Variants in SMAD7 observed in about 807,000 individuals in gnomAD.
SMAD7 encodes the protein MAD (mothers against decapentaplegic, Drosophila) homolog 7.
A neutral mutation model predicts 38.7 loss-of-function variants in SMAD7; 8 were observed. The observed-to-expected ratio is 0.21, with a 90% CI of 0.12 to 0.37. SMAD7 has a LOEUF of 0.37. Among genes scored for constraint, SMAD7 ranks in the 10% least tolerant of loss-of-function variants. SMAD7 has a pLI of 1.00. For missense variants in SMAD7, 477 were observed against 577.9 expected, an observed-to-expected ratio of 0.83 and a Z score of 1.79; for synonymous variants, 327 against 265.1, an observed-to-expected ratio of 1.23 and a Z score of -2.27.
intron 3 of SMAD7, chr18:48,930,257 C>G (rs890258112): frequency 7.2e-5 from 11 of 152,500 alleles, no homozygotes; most frequent in Non-Finnish European, 1.3e-4. Context: ...TTCTGTCTGC[C>G]TCCGTAATCT....
chr18:48,948,403 C>T lies in SMAD7; in HGVS notation c.648G>A (p.Met216Ile). Residue 216 changes from methionine to isoleucine, a missense_variant, in exon 2 of 4, where the codon ATG (methionine) becomes ATA (isoleucine). Met to Ile is a conservative substitution (Grantham distance 10). Transcript: ENST00000262158. ...SPPPPYSRYP[M>I]DFLKPTADCP... Reference sequence around the variant, plus strand: ...ACTCACCAGTTGGTTTGAGAAAATCCATCGGGTATCTGGAGTAAGGAGGGG... The same window carrying T: ...ACTCACCAGTTGGTTTGAGAAAATCTATCGGGTATCTGGAGTAAGGAGGGG... 1.2e-6 allele frequency: 2 copies of T among 1,601,866 alleles called. No individual in the cohort carries two copies. The highest frequency in any genetic ancestry group is 1.7e-6 in the Non-Finnish European group (2 of 1,174,152).
rs982157343 is a variant in SMAD7, at chr18:48,920,299, A to C, written c.*1073T>G. The C allele has an allele frequency of 6.5e-6, 1 of 152,714 alleles. No homozygotes were observed. Among genetic ancestry groups the C allele is most frequent in the Non-Finnish European group, 1.5e-5 (1 of 68,046 alleles). The allele number at this position is 152,714 out of a possible 1,614,324, so 9.5% of individuals were successfully genotyped here. A position where few individuals can be genotyped will look rare whatever the true frequency, so the allele number is the denominator to read the frequency against. On this transcript the variant is annotated 3_prime_UTR_variant, in exon 4 of 4. Coordinates refer to ENST00000262158, the MANE Select transcript of SMAD7 (RefSeq NM_005904.4). Reference sequence around the variant, plus strand: ...GAGCTAAGAACAGTGTCGAAGTATCATACGAGTGTATGAGTTGTAGAAGAA... The same window carrying C: ...GAGCTAAGAACAGTGTCGAAGTATCCTACGAGTGTATGAGTTGTAGAAGAA...
At chr18:48,932,417 C>T (rs938205377) in intron 3 of SMAD7, among the ~76,000 whole-genome samples, 19 of 152,272 alleles carry the variant, frequency 1.2e-4, no homozygotes, top group African/African-American at 4.1e-4. Context: ...AGCACACAGT[C>T]GCTGGCCTGG....
At chr18:48,934,105 C>G (rs1296263958) in intron 3 of SMAD7, among the ~76,000 whole-genome samples, 1 of 152,198 alleles carries the variant, frequency 6.6e-6, no homozygotes, top group African/African-American at 2.4e-5. Flanking sequence ...AAAAATGGAA[C>G]TGGACCTTAT....
chr18:48,928,601 C>T (rs554385983), intron 3 of SMAD7, among the ~76,000 whole-genome samples: 88 of 152,182 alleles, frequency 5.8e-4, no homozygotes, highest in African/African-American at 1.9e-3. Flanking sequence ...GAAGTTTCTC[C>T]TCCCATCACC....
intron 3 of SMAD7, among the ~76,000 whole-genome samples, chr18:48,940,021 T>G (rs2070119009): frequency 1.3e-5 from 2 of 152,042 alleles, no homozygotes; most frequent in South Asian, 2.1e-4. Flanking sequence ...CAGGGGCCAA[T>G]AAAGTTCCCT....
intron 3 of SMAD7, among the ~76,000 whole-genome samples, chr18:48,939,721 C>G (rs943209467): frequency 2.6e-5 from 4 of 152,090 alleles, no homozygotes; most frequent in Admixed American, 2.6e-4. Context: ...CAGGGCAGGA[C>G]AGGAAGGAAA....
intron 3 of SMAD7, among the ~76,000 whole-genome samples, chr18:48,923,076 C>A (rs1032902068): frequency 2.6e-5 from 4 of 152,208 alleles, no homozygotes; most frequent in Non-Finnish European, 2.9e-5. Flanking sequence ...ACTGCAGGAA[C>A]GCTGTGGTTT....
chr18:48,923,444 C>T (rs2069888178), intron 3 of SMAD7, among the ~76,000 whole-genome samples: 1 of 152,140 alleles, frequency 6.6e-6, no homozygotes, highest in Non-Finnish European at 1.5e-5. Flanking sequence ...GTGTTAGGAC[C>T]TGGGAACCCA....
rs752371691 is a variant in SMAD7 at position 48,921,946 on chromosome 18, C to G, written c.743-36G>C. ...CATTGGCAGAGAGGGTTAGTGGGGA[C>G]AGGCATTGGTGACTCCTAGAATGAA... On this transcript the variant is annotated intron_variant, in intron 3 of 3. Coordinates refer to ENST00000262158, the MANE Select transcript of SMAD7 (RefSeq NM_005904.4). This position sits in a 1 kb window ranked among gnomAD's most constrained non-coding sequence, Gnocchi z 6.4. 1 of 1,532,728 alleles carries G rather than the reference C, an allele frequency of 6.5e-7. No individual in the cohort carries two copies. The highest frequency in any genetic ancestry group is 8.8e-7 in the Non-Finnish European group (1 of 1,139,602). The allele number at this position is 1,532,728 out of a possible 1,614,324, so 94.9% of individuals were successfully genotyped here.
chr18:48,925,052 C>T (rs201104652), intron 3 of SMAD7, among the ~76,000 whole-genome samples: 5 of 152,200 alleles, frequency 3.3e-5, no homozygotes, highest in Admixed American at 3.3e-4. Flanking sequence ...TCTGTGTGGA[C>T]GCTTTGCTCC....
chr18:48,940,078 C>T (rs955557255), intron 3 of SMAD7, among the ~76,000 whole-genome samples: 9 of 152,128 alleles, frequency 5.9e-5, no homozygotes, highest in Admixed American at 2.0e-4. Flanking sequence ...AGGTTTTCTC[C>T]GTGCCCATCA....
At chr18:48,936,121 ACACACACACACG>A (rs2070063487) in intron 3 of SMAD7, among the ~76,000 whole-genome samples, 1 of 101,852 alleles carries the variant, frequency 9.8e-6, no homozygotes, top group African/African-American at 4.1e-5. Flanking sequence ...CACACACCAC[ACACACACACACG>A]AGATCCCAGG....
chr18:48,950,014 G>A lies in SMAD7; in HGVS notation c.411C>T (p.Gly137=), dbSNP rs1280117929. ...GCTGCGCGCCGGCGGGCGCCCCCGG[G>A]CCCAGCCTGCAGTCCAGGCGGCCGG... ...LLPGRLDCRL[G]PGAPAGAQPA... Residue 137 remains glycine, a synonymous_variant, in exon 1 of 4, where the codon GGC becomes GGT. Coordinates refer to ENST00000262158, the MANE Select transcript of SMAD7 (RefSeq NM_005904.4). 1 of 1,565,412 alleles carries A rather than the reference G, an allele frequency of 6.4e-7. No homozygotes were observed. Among genetic ancestry groups the A allele is most frequent in the Middle Eastern group, 1.7e-4 (1 of 5,756 alleles).
chr18:48,942,770 G>C, intron 2 of SMAD7: 1 of 1,408,232 alleles, frequency 7.1e-7, no homozygotes, highest in Admixed American at 3.3e-5. Flanking sequence ...GCTCCGGGCA[G>C]CCAGTTAATC....
rs1242831072 is a variant in SMAD7 at position 48,950,501 on chromosome 18, C to G, written c.-77G>C. ...TGACCTCCGCACACCATGAAGAAGT[C>G]GGGCGCCGAGTTGGGGCAGCAGGCG... is the stretch of plus-strand genomic sequence containing the variant. On this transcript the variant is annotated 5_prime_UTR_variant, in exon 1 of 4. Transcript: ENST00000262158. 93 of 1,398,938 alleles carry G rather than the reference C, an allele frequency of 6.6e-5. No homozygotes were observed. The highest frequency in any genetic ancestry group is 8.5e-5 in the Non-Finnish European group (90 of 1,061,158). 86.7% of individuals were successfully genotyped at this position (1,398,938 alleles called of 1,614,324 possible).
At chr18:48,927,609 C>T (rs1045439747) in intron 3 of SMAD7, among the ~76,000 whole-genome samples, 1 of 152,214 alleles carries the variant, frequency 6.6e-6, no homozygotes, top group Non-Finnish European at 1.5e-5. Flanking sequence ...CCAAGGCCAG[C>T]CTCATAAGGT....
In SMAD7 at chr18:48,933,333, C is replaced by T. The variant is rs114916066; in HGVS notation, c.742+9148G>A. 3.8e-3 allele frequency among the ~76,000 whole-genome samples: 582 copies of T among 152,266 alleles called. 5 individuals are homozygous for T. Among genetic ancestry groups the T allele is most frequent in the African/African-American group, 0.013 (559 of 41,548 alleles). ...GCCCCTGCCTGCCTCCAGGTAGAGGCAACTCCTAGTCAATCCCCCCTCCCG... is the reference window on the plus strand; with the variant it reads ...GCCCCTGCCTGCCTCCAGGTAGAGGTAACTCCTAGTCAATCCCCCCTCCCG... On this transcript the variant is annotated intron_variant, in intron 3 of 3. Coordinates refer to ENST00000262158, the MANE Select transcript of SMAD7 (RefSeq NM_005904.4).
In SMAD7 at chr18:48,920,188, A is replaced by G. The variant is rs962751172; in HGVS notation, c.*1184T>C. ...TTCTCTCTCAAAGCACTACAATGCT[A>G]AATTTCCAATGAGAATGCTTCTCTT... is the stretch of plus-strand genomic sequence containing the variant. On this transcript the variant is annotated 3_prime_UTR_variant, in exon 4 of 4. Coordinates refer to ENST00000262158, the MANE Select transcript of SMAD7 (RefSeq NM_005904.4). 4 of 152,642 alleles carry G rather than the reference A, an allele frequency of 2.6e-5. No individual in the cohort carries two copies. The highest frequency in any genetic ancestry group is 7.2e-5 in the African/African-American group (3 of 41,452). 9.5% of individuals were successfully genotyped at this position (152,642 alleles called of 1,614,324 possible). A position where few individuals can be genotyped will look rare whatever the true frequency, so the allele number is the denominator to read the frequency against.
Sources: gnomAD v4.1 joint callset for allele counts (sites outside exome capture counted in the v4.1 genomes callset) on GRCh38, gnomAD v4.1.1 for gene constraint, Gnocchi (gnomAD v3.1) non-coding constraint, MANE v1.5 for transcripts, NCBI Gene and HGNC (gene_info 2026-07-23, HGNC 2026-07-21) for gene names.